Variants in CHD9 observed in about 807,000 individuals in gnomAD.
CHD9 encodes chromodomain helicase DNA binding protein 9.
Under a neutral mutation model 316.1 loss-of-function variants are expected in CHD9, and 77 were observed. That is an observed-to-expected ratio of 0.24 (90% CI 0.20 to 0.29). CHD9 has a LOEUF of 0.29. Ranked by LOEUF, CHD9 falls within the 10% of genes least tolerant of loss-of-function variation. The probability of loss-of-function intolerance (pLI) is 1.00; values close to 1 mark genes in which losing one functional copy is unlikely to be tolerated. For synonymous variants in CHD9, 1,129 were observed against 1,158.3 expected (o/e 0.97, Z 0.51); for missense variants, 2,763 against 3,438.1 (o/e 0.80, Z 4.91).
chr16:53,130,310 T>C (rs1567351503), intron 1 of CHD9, among the ~76,000 whole-genome samples: 1 of 152,162 alleles, frequency 6.6e-6, no homozygotes, highest in Non-Finnish European at 1.5e-5. Flanking sequence ...AACGTGGGAC[T>C]AAATCCACGG....
At chr16:53,224,181 A>G (rs993617175) in intron 4 of CHD9, among the ~76,000 whole-genome samples, 1 of 152,170 alleles carries the variant, frequency 6.6e-6, no homozygotes, top group African/African-American at 2.4e-5. Context: ...GCTAAAAATA[A>G]GAAATTAAAA....
At chr16:53,106,354 A>G (rs2152580211) in intron 1 of CHD9, among the ~76,000 whole-genome samples, 1 of 152,326 alleles carries the variant, frequency 6.6e-6, no homozygotes, top group South Asian at 2.1e-4. Context: ...TTGCATTTGA[A>G]AAATGAACCA....
rs186440302 is a variant in CHD9, at chr16:53,168,468, G to C, written c.1452+10927G>C. 4.6e-5 allele frequency: 7 copies of C among 152,206 alleles called. No individual in the cohort carries two copies. In the East Asian group the frequency reaches 1.3e-3, roughly 29 times the overall value. The allele number at this position is 152,206 out of a possible 1,614,324, so 9.4% of individuals were successfully genotyped here. On this transcript the variant is annotated intron_variant, in intron 2 of 38. Transcript: ENST00000447540. ...ATATAAAAGTTGGTATTATTTCATG[G>C]AATTTACAGATTTGAGGTGTTGAGA...
chr16:53,090,181 T>C (rs965890789), intron 1 of CHD9, among the ~76,000 whole-genome samples: 4 of 151,746 alleles, frequency 2.6e-5, no homozygotes, highest in African/African-American at 9.7e-5. Flanking sequence ...TCTGAACACA[T>C]TGAGAAAGAA....
intron 1 of CHD9, among the ~76,000 whole-genome samples, chr16:53,142,344 C>T (rs141178183): frequency 2.0e-5 from 3 of 152,202 alleles, no homozygotes; most frequent in Non-Finnish European, 2.9e-5. Flanking sequence ...TCAAGAGATC[C>T]GCCTGCCTTG....
At chr16:53,143,413 A>G (rs2040300367) in intron 1 of CHD9, among the ~76,000 whole-genome samples, 1 of 124,946 alleles carries the variant, frequency 8.0e-6, no homozygotes, top group African/African-American at 2.9e-5. Flanking sequence ...TCTGAGGCAG[A>G]TACTCGCTCT....
At chr16:53,180,755 C>G (rs2043441180) in intron 2 of CHD9, among the ~76,000 whole-genome samples, 1 of 152,092 alleles carries the variant, frequency 6.6e-6, no homozygotes, top group Non-Finnish European at 1.5e-5. Flanking sequence ...CCACTGCAAG[C>G]TCTGCCTCCC....
At position 53,077,572 on chromosome 16, in the gene CHD9, C is replaced by G. The variant is rs548876932; in HGVS notation, c.-165+22495C>G. Among the ~76,000 whole-genome samples the G allele has an allele frequency of 2.0e-5, 3 of 152,098 alleles. No individual in the cohort carries two copies. In the South Asian group the frequency reaches 6.2e-4, roughly 32 times the overall value. ...TCTGTCTTCTGACTTCGTGATCCGC[C>G]TGCCTCAGACTCCCAAAATGCTGGG... On this transcript the variant is annotated intron_variant, in intron 1 of 38. Coordinates refer to ENST00000447540, the MANE Select transcript of CHD9 (RefSeq NM_001308319.2).
At chr16:53,100,469 T>G (rs1468583482) in intron 1 of CHD9, among the ~76,000 whole-genome samples, 1 of 151,436 alleles carries the variant, frequency 6.6e-6, no homozygotes, top group Non-Finnish European at 1.5e-5. Flanking sequence ...TTTTTTTTTT[T>G]TCCAAAAGAC....
In CHD9 at chr16:53,222,648, C is replaced by T. The variant is rs142324607; in HGVS notation, c.1789C>T (p.Leu597Phe). ...ATTCTTTTCCTCTTGAAACAGCAAACTCATTATTACATTGGGTAAGAAACA... is the reference window on the plus strand; with the variant it reads ...ATTCTTTTCCTCTTGAAACAGCAAATTCATTATTACATTGGGTAAGAAACA... Reference protein sequence around the residue: ...KLKEKTKIGKLIITLGKKQKR... With the variant: ...KLKEKTKIGKFIITLGKKQKR... The change falls in exon 4 of 39, where the codon CTC becomes TTC. Residue 597 changes from leucine (L) to phenylalanine (F), a missense_variant. By Grantham distance (22) the Leu-to-Phe change is conservative. Coordinates refer to ENST00000447540, the MANE Select transcript of CHD9 (RefSeq NM_001308319.2). The T allele has an allele frequency of 7.0e-7, 1 of 1,434,670 alleles. No homozygotes were observed. Among genetic ancestry groups the T allele is most frequent in the Non-Finnish European group, 9.7e-7 (1 of 1,034,938 alleles). The allele number at this position is 1,434,670 out of a possible 1,614,324, so 88.9% of individuals were successfully genotyped here.
intron 19 of CHD9, 78 bp from the exon 20 acceptor site, chr16:53,262,909 C>A: frequency 8.8e-7 from 1 of 1,131,642 alleles, no homozygotes. Context: ...AAATTCTATC[C>A]ATAGTAAATG....
intron 1 of CHD9, among the ~76,000 whole-genome samples, chr16:53,111,901 C>T (rs16952016): frequency 0.061 from 9,229 of 152,138 alleles, 757 homozygotes; most frequent in African/African-American, 0.18. Context: ...ACTTAATATG[C>T]GATGACTTTA....
intron 1 of CHD9, among the ~76,000 whole-genome samples, chr16:53,084,626 C>A (rs1314308518): frequency 1.3e-5 from 2 of 152,162 alleles, no homozygotes; most frequent in East Asian, 3.9e-4. Flanking sequence ...GCCTGTAGTC[C>A]CAGCTACTTG....
chr16:53,115,596 G>A (rs1365542963), intron 1 of CHD9, among the ~76,000 whole-genome samples: 1 of 152,214 alleles, frequency 6.6e-6, no homozygotes, highest in East Asian at 1.9e-4. Flanking sequence ...AACCAGGTCG[G>A]ATAACTCCAA....
intron 3 of CHD9, among the ~76,000 whole-genome samples, chr16:53,213,130 T>C (rs1287842852): frequency 6.6e-6 from 1 of 152,196 alleles, no homozygotes; most frequent in Non-Finnish European, 1.5e-5. Flanking sequence ...AGGGGAATAA[T>C]AGATTAACTT....
At chr16:53,082,374 A>T (rs574664848) in intron 1 of CHD9, among the ~76,000 whole-genome samples, 60 of 152,178 alleles carry the variant, frequency 3.9e-4, no homozygotes, top group African/African-American at 1.4e-3. Context: ...AGTAGCTGGG[A>T]CTGCAGGCCT....
At chr16:53,099,982 A>C (rs766824306) in intron 1 of CHD9, among the ~76,000 whole-genome samples, 10 of 152,184 alleles carry the variant, frequency 6.6e-5, no homozygotes, top group Non-Finnish European at 1.3e-4. Flanking sequence ...GAAAGCTGAC[A>C]GCCACTGGCG....
chr16:53,153,965 A>G (rs531071775), intron 1 of CHD9, among the ~76,000 whole-genome samples: 102 of 152,320 alleles, frequency 6.7e-4, no homozygotes, highest in African/African-American at 2.5e-3. Flanking sequence ...TGCCCAGGAA[A>G]GGGGAGATCA....
At chr16:53,172,472 C>T (rs12149287) in intron 2 of CHD9, among the ~76,000 whole-genome samples, 47,263 of 152,052 alleles carry the variant, frequency 0.31, 7,501 homozygotes, top group Middle Eastern at 0.39. Context: ...TCAATGAAGA[C>T]ACTATGAACA....
Sources: allele counts gnomAD v4.1 joint callset (sites outside exome capture counted in the v4.1 genomes callset), GRCh38; gene constraint gnomAD v4.1.1; transcripts MANE v1.5; gene names NCBI Gene and HGNC (gene_info 2026-07-23, HGNC 2026-07-21).